The following SORCS3 variants were observed in gnomAD, a reference collection of about 807,000 sequenced individuals.
SORCS3 encodes the protein VPS10 domain-containing receptor SorCS3.
In SORCS3, 57 loss-of-function variants were observed where a neutral mutation model predicts 146.3. The ratio of observed to expected loss-of-function variants is 0.39; its 90% CI spans 0.31 to 0.49. SORCS3 has a LOEUF of 0.49. Among genes scored for constraint, SORCS3 ranks in the 20% least tolerant of loss-of-function variants. The pLI is 0.92. For synonymous variants in SORCS3, 653 were observed against 618.5 expected, an observed-to-expected ratio of 1.06 and a Z score of -0.83; for missense variants, 1,341 against 1,575.5, an observed-to-expected ratio of 0.85 and a Z score of 2.52.
chr10:104,793,401 C>A (rs1222737319), intron 1 of SORCS3, among the ~76,000 whole-genome samples: 1 of 152,030 alleles, frequency 6.6e-6, no homozygotes, highest in East Asian at 1.9e-4. Flanking sequence ...TGTTGGGGAG[C>A]TAAAATGAAA....
At chr10:104,656,714 G>T (rs1256867506) in intron 1 of SORCS3, among the ~76,000 whole-genome samples, 1 of 151,990 alleles carries the variant, frequency 6.6e-6, no homozygotes, top group Non-Finnish European at 1.5e-5. Context: ...CCATGAAAAG[G>T]TTTATAGTAG....
At chr10:104,896,839 A>G (rs2018803517) in intron 2 of SORCS3, among the ~76,000 whole-genome samples, 1 of 152,210 alleles carries the variant, frequency 6.6e-6, no homozygotes. Flanking sequence ...TTGTGCTATA[A>G]TGGCAGAGTT....
chr10:105,259,934 T>C (rs931653925), intron 25 of SORCS3, among the ~76,000 whole-genome samples: 1 of 152,216 alleles, frequency 6.6e-6, no homozygotes, highest in African/African-American at 2.4e-5. Context: ...GACATATCTC[T>C]TGATCTCTTC....
intron 4 of SORCS3, among the ~76,000 whole-genome samples, chr10:104,981,973 G>A (rs2054934099): frequency 6.6e-6 from 1 of 152,146 alleles, no homozygotes. Context: ...GTCTAGAATT[G>A]CCCATAATTT....
Position 104,652,982 on chromosome 10 carries a change from A to T in SORCS3, c.627+11028A>T, listed in dbSNP as rs917367395. Among the ~76,000 whole-genome samples, 17 of 152,356 alleles carry T rather than the reference A, an allele frequency of 1.1e-4. No homozygotes were observed. In the East Asian group the frequency reaches 3.3e-3, roughly 29 times the overall value. On this transcript the variant is annotated intron_variant, in intron 1 of 26. Transcript: ENST00000369701. ...GACATGTGCTAATTGGAGCATGCTTAGGAAATAACTTGAACATAATCAAGA... is the reference window on the plus strand; with the variant it reads ...GACATGTGCTAATTGGAGCATGCTTTGGAAATAACTTGAACATAATCAAGA...
chr10:105,084,111 G>A lies in SORCS3; in HGVS notation c.1029-5664G>A, dbSNP rs190778062. ...AAAATCATTCCTAACTCATAGAGTT[G>A]ATGAGAGGATTAAACAAAATCAACA... is the stretch of plus-strand genomic sequence containing the variant. On this transcript the variant is annotated intron_variant, in intron 5 of 26. Transcript: ENST00000369701. Among the ~76,000 whole-genome samples the A allele has an allele frequency of 2.6e-5, 4 of 152,280 alleles. No homozygotes were observed. The East Asian group carries it at 7.7e-4, about 29-fold the overall frequency.
At chr10:105,169,721 G>C (rs1269460851) in intron 13 of SORCS3, among the ~76,000 whole-genome samples, 1 of 152,162 alleles carries the variant, frequency 6.6e-6, no homozygotes, top group Non-Finnish European at 1.5e-5. Flanking sequence ...ATCTGCCTCT[G>C]TAGAGGAAAG....
At chr10:104,991,107 A>G (rs1347620368) in intron 4 of SORCS3, among the ~76,000 whole-genome samples, 4 of 152,156 alleles carry the variant, frequency 2.6e-5, no homozygotes, top group Non-Finnish European at 5.9e-5. Flanking sequence ...CGGTGCATCC[A>G]GGACATACTT....
intron 24 of SORCS3, 54 bp downstream of exon 24, chr10:105,255,855 A>C: frequency 3.6e-6 from 5 of 1,395,442 alleles, no homozygotes; most frequent in Non-Finnish European, 5.1e-6. Context: ...TATCCCAGAG[A>C]GAAAAGGAGG....
intron 5 of SORCS3, among the ~76,000 whole-genome samples, chr10:105,082,694 A>T (rs558336377): frequency 6.6e-6 from 1 of 152,278 alleles, no homozygotes; most frequent in South Asian, 2.1e-4. Context: ...TCTTCAGAAA[A>T]TCCCTGTGGT....
intron 6 of SORCS3, among the ~76,000 whole-genome samples, chr10:105,103,296 T>C (rs2055799004): frequency 6.6e-6 from 1 of 152,166 alleles, no homozygotes; most frequent in Admixed American, 6.5e-5. Context: ...TCATACATAA[T>C]TTGCATGGCC....
chr10:104,957,771 C>A (rs1462282711), intron 3 of SORCS3, among the ~76,000 whole-genome samples: 1 of 152,074 alleles, frequency 6.6e-6, no homozygotes, highest in Non-Finnish European at 1.5e-5. Context: ...TTTTCCCTGC[C>A]TGTCTGGGGA....
intron 1 of SORCS3, among the ~76,000 whole-genome samples, chr10:104,718,963 A>G (rs1589470824): frequency 6.6e-6 from 1 of 152,232 alleles, no homozygotes; most frequent in African/African-American, 2.4e-5. Flanking sequence ...CACATCTGCA[A>G]TGTAAATTTT....
At chr10:104,772,586 A>G (rs1006902577) in intron 1 of SORCS3, among the ~76,000 whole-genome samples, 9 of 152,176 alleles carry the variant, frequency 5.9e-5, no homozygotes, top group African/African-American at 2.2e-4. Context: ...ATTGTCTCAC[A>G]TGACGTTATT....
chr10:104,870,051 A>G (rs2133567207), intron 2 of SORCS3, among the ~76,000 whole-genome samples: 1 of 152,362 alleles, frequency 6.6e-6, no homozygotes, highest in South Asian at 2.1e-4. Flanking sequence ...ATAGCATAAG[A>G]GCTCTAGAAA....
At chr10:104,849,163 C>T (rs752704079) in intron 2 of SORCS3, among the ~76,000 whole-genome samples, 2 of 152,028 alleles carry the variant, frequency 1.3e-5, no homozygotes, top group African/African-American at 2.4e-5. Context: ...GAAATCCCAG[C>T]ACTTTGGGAG....
intron 3 of SORCS3, among the ~76,000 whole-genome samples, chr10:104,967,198 A>G (rs978269659): frequency 2.0e-5 from 3 of 152,190 alleles, no homozygotes; most frequent in African/African-American, 7.2e-5. Context: ...CAAATTGACA[A>G]TTATCTACCA....
chr10:104,743,059 G>A (rs140249649), intron 1 of SORCS3, among the ~76,000 whole-genome samples: 23 of 152,258 alleles, frequency 1.5e-4, no homozygotes, highest in African/African-American at 5.1e-4. Context: ...CCTGTGGGGT[G>A]GATAGAACAT....
At chr10:104,990,174 A>C (rs1334959903) in intron 4 of SORCS3, among the ~76,000 whole-genome samples, 2 of 152,304 alleles carry the variant, frequency 1.3e-5, no homozygotes, top group African/African-American at 2.4e-5. Context: ...AGATAGCAGA[A>C]TTTGGTGTAT....
Sources: allele counts gnomAD v4.1 joint callset (sites outside exome capture counted in the v4.1 genomes callset), GRCh38; gene constraint gnomAD v4.1.1; transcripts MANE v1.5; gene names NCBI Gene and HGNC (gene_info 2026-07-23, HGNC 2026-07-21).